The following BZW2 variants were observed in gnomAD, a reference collection of about 807,000 sequenced individuals.
BZW2 encodes the protein eIF5-mimic protein 1.
In BZW2, 23 loss-of-function variants were observed where a neutral mutation model predicts 53.2. The ratio of observed to expected loss-of-function variants is 0.43; its 90% confidence interval spans 0.31 to 0.61. The LOEUF is 0.61. BZW2 is among the 20% of genes least tolerant of loss of function. The probability of loss-of-function intolerance (pLI) is 0.09; values close to 1 mark genes in which losing one functional copy is unlikely to be tolerated. For synonymous variants in BZW2, 227 were observed against 186.4 expected, an observed-to-expected ratio of 1.22 and a Z score of -1.77; for missense variants, 409 against 503.1, an observed-to-expected ratio of 0.81 and a Z score of 1.79.
intron 2 of BZW2, among the ~76,000 whole-genome samples, chr7:16,668,774 T>C (rs948704811): frequency 6.6e-6 from 1 of 152,362 alleles, no homozygotes; most frequent in Admixed American, 6.5e-5. Flanking sequence ...TTGTCGTTAC[T>C]GCTTAGCATT....
chr7:16,698,437 T>C (rs1305139368), intron 10 of BZW2, among the ~76,000 whole-genome samples: 1 of 152,190 alleles, frequency 6.6e-6, no homozygotes, highest in Non-Finnish European at 1.5e-5. Context: ...CTGGTAATTG[T>C]TTCTTGGGGT....
intron 1 of BZW2, among the ~76,000 whole-genome samples, chr7:16,659,852 AT>A (rs200974386): frequency 0.045 from 6,608 of 147,030 alleles, 369 homozygotes; most frequent in East Asian, 0.23. Flanking sequence ...TTATTTTTTT[AT>A]TTTTTTTTTT....
chr7:16,656,635 C>T (rs1325415559), intron 1 of BZW2, among the ~76,000 whole-genome samples: 2 of 151,256 alleles, frequency 1.3e-5, no homozygotes, highest in Non-Finnish European at 2.9e-5. Context: ...TTGCATGAAT[C>T]AGTTTTTTAT....
At chr7:16,705,947 G>C in intron 11 of BZW2, 113 bp from the exon 12 acceptor site, 1 of 1,170,824 alleles carries the variant, frequency 8.5e-7, no homozygotes. Context: ...TGGGTGCCTA[G>C]GGTAAAAGTA....
chr7:16,646,956 A>G (rs1781883595), intron 1 of BZW2, among the ~76,000 whole-genome samples: 1 of 152,112 alleles, frequency 6.6e-6, no homozygotes, highest in South Asian at 2.1e-4. Context: ...ATTTATGGAA[A>G]TAGGGAGTGG....
At chr7:16,650,569 T>C (rs1781960254) in intron 1 of BZW2, among the ~76,000 whole-genome samples, 1 of 152,208 alleles carries the variant, frequency 6.6e-6, no homozygotes, top group African/African-American at 2.4e-5. Context: ...ATTTGTGCAA[T>C]TTTTTAAACT....
At chr7:16,687,419 A>G (rs1783159473) in intron 6 of BZW2, 1 of 152,208 alleles carries the variant, frequency 6.6e-6, no homozygotes, top group Non-Finnish European at 1.5e-5. Flanking sequence ...TCCTAATTGG[A>G]AAAGGATTAA....
chr7:16,670,169 C>T (rs1475060266), intron 2 of BZW2, among the ~76,000 whole-genome samples: 2 of 152,150 alleles, frequency 1.3e-5, no homozygotes, highest in Non-Finnish European at 2.9e-5. Context: ...TTAAGATTTC[C>T]AAGCTGTAAG....
At chr7:16,688,129 T>C (rs1783187710) in intron 6 of BZW2, among the ~76,000 whole-genome samples, 1 of 152,172 alleles carries the variant, frequency 6.6e-6, no homozygotes, top group Non-Finnish European at 1.5e-5. Context: ...GCTTTTACTT[T>C]CCAGTTGCTG....
chr7:16,682,768 T>G lies in BZW2; in HGVS notation c.340-12T>G, dbSNP rs77328149. 3.9e-6 allele frequency: 5 copies of G among 1,268,178 alleles called. No individual in the cohort carries two copies. The highest frequency in any genetic ancestry group is 5.4e-5 in the East Asian group (2 of 36,736). 78.6% of individuals were successfully genotyped at this position (1,268,178 alleles called of 1,614,324 possible). A position where few individuals can be genotyped will look rare whatever the true frequency, so the allele number is the denominator to read the frequency against. On this transcript the variant is annotated splice_polypyrimidine_tract_variant and intron_variant, in intron 4 of 11. Transcript: ENST00000258761. ...TGGTTGACCTAATATTTAATGGTTG[T>G]TTTTTTTTTAGGTCTTCAATAAACT...
In BZW2 at chr7:16,685,894, T is replaced by TTTTTTG; in HGVS notation, c.406-10_406-9insTTTTGT. 1 of 1,438,604 alleles carries TTTTTTG rather than the reference T, an allele frequency of 7.0e-7. No homozygotes were observed. The highest frequency in any genetic ancestry group is 9.1e-7 in the Non-Finnish European group (1 of 1,095,358). The allele number at this position is 1,438,604 out of a possible 1,614,324, so 89.1% of individuals were successfully genotyped here. A position where few individuals can be genotyped will look rare whatever the true frequency, so the allele number is the denominator to read the frequency against. ...TCTTTTTCTTTTTTTTTTTTTTTTT[T>TTTTTTG]TGACCCACAGCTTCTCCTCTTCCTT... On this transcript the variant is annotated splice_polypyrimidine_tract_variant and intron_variant, in intron 5 of 11. Transcript: ENST00000258761.
At chr7:16,679,974 G>C (rs1782888308) in intron 3 of BZW2, among the ~76,000 whole-genome samples, 1 of 152,032 alleles carries the variant, frequency 6.6e-6, no homozygotes, top group Non-Finnish European at 1.5e-5. Context: ...AGTTATTGAA[G>C]AAAAAGGCAT....
intron 11 of BZW2, among the ~76,000 whole-genome samples, 156 bp from the exon 12 acceptor site, chr7:16,705,904 T>C (rs1013830383): frequency 5.9e-5 from 9 of 152,074 alleles, no homozygotes; most frequent in African/African-American, 2.2e-4. Flanking sequence ...AAGAGTTTGC[T>C]ATCTGCCCTC....
At chr7:16,691,746 G>A (rs940227366) in intron 7 of BZW2, among the ~76,000 whole-genome samples, 2 of 152,226 alleles carry the variant, frequency 1.3e-5, no homozygotes, top group Non-Finnish European at 2.9e-5. Flanking sequence ...AATCTATCCG[G>A]TTATTTCTTA....
chr7:16,670,597 C>A (rs1040336945), intron 2 of BZW2, among the ~76,000 whole-genome samples: 1 of 152,082 alleles, frequency 6.6e-6, no homozygotes, highest in Non-Finnish European at 1.5e-5. Flanking sequence ...CTTTTTTCAA[C>A]AAGGAAGGAG....
rs1016131819 is a variant in BZW2 at position 16,706,263 on chromosome 7, G to A, written c.*175G>A. 1 of 649,794 alleles carries A rather than the reference G, an allele frequency of 1.5e-6. No individual in the cohort carries two copies. The highest frequency in any genetic ancestry group is 1.9e-5 in the African/African-American group (1 of 54,028). The allele number at this position is 649,794 out of a possible 1,614,324, so 40.3% of individuals were successfully genotyped here. ...TGTTTTTGTTTTGTTTTTAAATGGA[G>A]CCCTGAGGCATCAGCTATTATACTT... On this transcript the variant is annotated 3_prime_UTR_variant, in exon 12 of 12. Transcript: ENST00000258761.
chr7:16,687,699 C>A (rs954411069), intron 6 of BZW2: 2 of 151,762 alleles, frequency 1.3e-5, no homozygotes, highest in Non-Finnish European at 2.9e-5. Flanking sequence ...ACAGCCTGGG[C>A]AACAGAGAAA....
Position 16,686,004 on chromosome 7 carries a change from C to G in BZW2, c.505C>G (p.Leu169Val). The change falls in exon 6 of 12, where the codon CTC (leucine) becomes GTC (valine). Residue 169 changes from leucine (L) to valine (V), a missense_variant. By Grantham distance (32) the Leu-to-Val change is conservative (BLOSUM62 1). Transcript: ENST00000258761. ...LGNGTLPATI[L>V]TSLFTDSLVK... is the part of the protein sequence containing the mutation. ...CAATGGCACCCTGCCCGCCACCATC[C>G]TCACCAGTCTCTTCACCGACAGCTT... The G allele has an allele frequency of 6.2e-7, 1 of 1,610,194 alleles. No individual in the cohort carries two copies.
At chr7:16,683,491 C>A (rs1783016967) in intron 5 of BZW2, among the ~76,000 whole-genome samples, 1 of 152,156 alleles carries the variant, frequency 6.6e-6, no homozygotes, top group Admixed American at 6.5e-5. Context: ...GTAGTTAAAG[C>A]CTATGGAAGA....
Sources: gnomAD v4.1 joint callset for allele counts (sites outside exome capture counted in the v4.1 genomes callset) on GRCh38, gnomAD v4.1.1 for gene constraint, MANE v1.5 for transcripts, NCBI Gene and HGNC (gene_info 2026-07-23, HGNC 2026-07-21) for gene names.